Variants in DOCK2 observed in about 807,000 individuals in gnomAD.
DOCK2 encodes dedicator of cytokinesis protein 2.
In DOCK2, 87 loss-of-function variants were observed where a neutral mutation model predicts 248.9. The observed-to-expected ratio is 0.35, with a 90% CI of 0.29 to 0.42. The LOEUF is 0.42. Among genes scored for constraint, DOCK2 ranks in the 10% least tolerant of loss-of-function variants. The pLI is 1.00. For synonymous variants in DOCK2, 805 were observed against 821.6 expected (o/e 0.98, Z 0.35); for missense variants, 1,747 against 2,300.2 (o/e 0.76, Z 4.92).
At chr5:169,859,974 TTC>T (rs1491085040) in intron 27 of DOCK2, among the ~76,000 whole-genome samples, 18 of 138,526 alleles carry the variant, frequency 1.3e-4, no homozygotes, top group African/African-American at 2.2e-4. Flanking sequence ...TTTTTTTTTT[TTC>T]TTTTTTTTTT....
chr5:169,930,216 T>A (rs1775679717), intron 27 of DOCK2, among the ~76,000 whole-genome samples: 1 of 152,146 alleles, frequency 6.6e-6, no homozygotes. Context: ...GGTCTCAATC[T>A]CCTGACCTTG....
At chr5:170,051,512 T>G (rs1284268527) in intron 41 of DOCK2, among the ~76,000 whole-genome samples, 1 of 152,234 alleles carries the variant, frequency 6.6e-6, no homozygotes, top group African/African-American at 2.4e-5. Flanking sequence ...CGTCACCTTC[T>G]GGAAGAGGCC....
intron 27 of DOCK2, among the ~76,000 whole-genome samples, chr5:169,845,270 G>T (rs182519729): frequency 6.6e-6 from 1 of 151,472 alleles, no homozygotes; most frequent in Non-Finnish European, 1.5e-5. Context: ...TCCCCACTTG[G>T]GCTGGACAAG....
intron 25 of DOCK2, among the ~76,000 whole-genome samples, chr5:169,766,563 C>T (rs436412): frequency 0.047 from 7,095 of 152,170 alleles, 318 homozygotes; most frequent in African/African-American, 0.11. Context: ...ATGTTAATGT[C>T]TTTGTGGTAG....
intron 27 of DOCK2, among the ~76,000 whole-genome samples, chr5:169,896,403 G>T (rs1050134295): frequency 1.3e-5 from 2 of 152,090 alleles, no homozygotes; most frequent in Non-Finnish European, 2.9e-5. Context: ...TTCAATGCTG[G>T]CTCTGCCATT....
At chr5:169,742,860 C>T (rs534225645) in intron 22 of DOCK2, among the ~76,000 whole-genome samples, 14 of 152,330 alleles carry the variant, frequency 9.2e-5, no homozygotes, top group African/African-American at 3.1e-4. Flanking sequence ...CCCTGGGAGC[C>T]GGAGTGCTGG....
At position 169,764,844 on chromosome 5, in the gene DOCK2, T is replaced by TTTGTTGTTGTTGTTGTTG. The variant is rs10636919; in HGVS notation, c.2554+3231_2554+3248dup. Among the ~76,000 whole-genome samples the TTTGTTGTTGTTGTTGTTG allele has an allele frequency of 0.019, 2,889 of 151,048 alleles. 114 individuals are homozygous for TTTGTTGTTGTTGTTGTTG. Among genetic ancestry groups the TTTGTTGTTGTTGTTGTTG allele is most frequent in the African/African-American group, 0.067 (2,752 of 40,930 alleles). On this transcript the variant is annotated intron_variant, in intron 25 of 51. Coordinates refer to ENST00000520908, the MANE Select transcript of DOCK2 (RefSeq NM_004946.3). The surrounding 1 kb of genome is among the most constrained non-coding windows in gnomAD (Gnocchi z 4.3). The stretch of plus-strand genomic sequence containing the variant: ...GCTCTCCATTCTGACTTTGAACGTG[T>TTTGTTGTTGTTGTTGTTG]TTGTTGTTGTTGTTGTTGTTGTTGT...
rs2113547283 is a variant in DOCK2 at position 169,716,297 on chromosome 5, G to A, written c.2026G>A (p.Ala676Thr). ...TGAATATGACATCCTCGTCTTTGAT[G>A]CCTTGGTAAGAGAGAGGGGAAAAGT... ...SDEYDILVFD[A>T]LIYIIGLIAD... The change falls in exon 20 of 52, where the codon GCC (alanine) becomes ACC (threonine). Residue 676 changes from alanine (A) to threonine (T), a missense_variant. By Grantham distance (58) the Ala-to-Thr change is moderately conservative (BLOSUM62 0). Around this residue, in one of 4 missense-constraint regions of DOCK2, gnomAD observed 858 missense variants for 1,183.5 expected, o/e 0.72. Coordinates refer to ENST00000520908, the MANE Select transcript of DOCK2 (RefSeq NM_004946.3). 1 of 1,613,466 alleles carries A rather than the reference G, an allele frequency of 6.2e-7. No homozygotes were observed. The highest frequency in any genetic ancestry group is 8.5e-7 in the Non-Finnish European group (1 of 1,179,526).
intron 25 of DOCK2, among the ~76,000 whole-genome samples, chr5:169,802,582 G>GA (rs1231679039): frequency 1.3e-5 from 2 of 151,564 alleles, no homozygotes; most frequent in Admixed American, 6.6e-5. Flanking sequence ...ATTAGTGAGT[G>GA]AAAAAAAATC....
At chr5:169,689,220 G>T (rs1479455919) in intron 8 of DOCK2, 32 bp from the exon 9 acceptor site, 1 of 1,609,792 alleles carries the variant, frequency 6.2e-7, no homozygotes, top group South Asian at 1.1e-5. Context: ...AGGTCCCTTG[G>T]CAGTAACGGG....
chr5:170,060,767 C>T (rs138289377), intron 44 of DOCK2, among the ~76,000 whole-genome samples: 2,385 of 152,142 alleles, frequency 0.016, 56 homozygotes, highest in African/African-American at 0.055. Flanking sequence ...CGTGGTGGCT[C>T]ATGCCTGTAA....
intron 30 of DOCK2, among the ~76,000 whole-genome samples, chr5:170,001,350 G>T (rs1203673942): frequency 6.6e-6 from 1 of 152,132 alleles, no homozygotes; most frequent in East Asian, 1.9e-4. Flanking sequence ...CTGCTATAAA[G>T]ACTATAGTCT....
chr5:169,741,083 C>T (rs1304773236), intron 22 of DOCK2, among the ~76,000 whole-genome samples: 1 of 152,148 alleles, frequency 6.6e-6, no homozygotes, highest in East Asian at 1.9e-4. Flanking sequence ...TTTCGGCCTC[C>T]CAAAGTGTTG....
At chr5:169,730,010 G>A (rs2113618918) in intron 22 of DOCK2, among the ~76,000 whole-genome samples, 1 of 152,304 alleles carries the variant, frequency 6.6e-6, no homozygotes, top group African/African-American at 2.4e-5. Flanking sequence ...AGGCTGGAGT[G>A]CAATGGCACA....
At chr5:169,802,044 G>C (rs963505846) in intron 25 of DOCK2, among the ~76,000 whole-genome samples, 1 of 151,710 alleles carries the variant, frequency 6.6e-6, no homozygotes, top group Admixed American at 6.6e-5. Context: ...TTTTCCTCAA[G>C]GTTTTCTGTT....
intron 29 of DOCK2, among the ~76,000 whole-genome samples, chr5:169,992,701 G>A (rs1438288127): frequency 6.6e-6 from 1 of 152,088 alleles, no homozygotes; most frequent in Non-Finnish European, 1.5e-5. Context: ...CTGACCTCAT[G>A]ATCCACCCAT....
chr5:170,069,093 G>T, intron 45 of DOCK2, 44 bp from the exon 46 acceptor site: 2 of 1,572,806 alleles, frequency 1.3e-6, no homozygotes, highest in Non-Finnish European at 1.7e-6. Flanking sequence ...GCTGTGAAAT[G>T]CCACATGAAC....
chr5:169,906,018 T>C (rs1385682088), intron 27 of DOCK2, among the ~76,000 whole-genome samples: 4 of 152,176 alleles, frequency 2.6e-5, no homozygotes, highest in Non-Finnish European at 5.9e-5. Context: ...GTTTAATATC[T>C]CAGCAGGTGT....
chr5:169,999,230 G>A (rs1386094307), intron 30 of DOCK2, among the ~76,000 whole-genome samples: 1 of 152,194 alleles, frequency 6.6e-6, no homozygotes, highest in African/African-American at 2.4e-5. Context: ...TACATGAGAA[G>A]TACGGGCTTG....
Sources: gnomAD v4.1 joint callset for allele counts (sites outside exome capture counted in the v4.1 genomes callset) on GRCh38, gnomAD v4.1.1 for gene constraint, gnomAD v4.1.1 regional missense constraint, Gnocchi (gnomAD v3.1) non-coding constraint, MANE v1.5 for transcripts, NCBI Gene and HGNC (gene_info 2026-07-23, HGNC 2026-07-21) for gene names.